MALL: variants seen among roughly 807,000 people sequenced by gnomAD.
MALL encodes mal, T cell differentiation protein like.
In MALL, 2 loss-of-function variants were observed where a neutral mutation model predicts 10.3. The ratio of observed to expected loss-of-function variants is 0.19; its 90% CI spans 0.08 to 0.61. The LOEUF (loss-of-function observed/expected upper bound fraction) is 0.61, where lower values mean the gene tolerates loss of function less well. Ranked by LOEUF, MALL falls within the 20% of genes least tolerant of loss-of-function variation. MALL has a pLI of 0.88. For synonymous variants in MALL, 27 were observed against 51.8 expected (o/e 0.52, Z 2.05); for missense variants, 39 against 115.2 (o/e 0.34, Z 3.03).
At chr2:110,100,470 C>A (rs1263868726) in intron 1 of MALL, among the ~76,000 whole-genome samples, 2 of 44,382 alleles carry the variant, frequency 4.5e-5, no homozygotes, top group Non-Finnish European at 1.5e-4. Context: ...AAGACTCTGT[C>A]CCCCACCCTA....
intron 1 of MALL, among the ~76,000 whole-genome samples, chr2:110,109,240 C>A (rs890338040): frequency 6.6e-6 from 1 of 152,116 alleles, no homozygotes; most frequent in Non-Finnish European, 1.5e-5. Context: ...CCTAAATGAT[C>A]CACTTAAAAG....
chr2:110,107,226 C>G (rs1327694413), intron 1 of MALL, among the ~76,000 whole-genome samples: 1 of 152,104 alleles, frequency 6.6e-6, no homozygotes, highest in Admixed American at 6.5e-5. Context: ...CTTCTGGGCT[C>G]TGATACTGTA....
intron 1 of MALL, among the ~76,000 whole-genome samples, chr2:110,095,791 G>A (rs1004208235): frequency 7.2e-5 from 11 of 152,074 alleles, no homozygotes; most frequent in African/African-American, 2.2e-4. Flanking sequence ...GGAGAGGGAG[G>A]TTGAGCCTGG....
At chr2:110,108,121 C>T (rs1678732006) in intron 1 of MALL, among the ~76,000 whole-genome samples, 1 of 152,086 alleles carries the variant, frequency 6.6e-6, no homozygotes, top group African/African-American at 2.4e-5. Context: ...TATGACGAAA[C>T]AAGGATCTTC....
At chr2:110,109,898 G>T (rs1678767426) in intron 1 of MALL, among the ~76,000 whole-genome samples, 1 of 152,002 alleles carries the variant, frequency 6.6e-6, no homozygotes, top group Non-Finnish European at 1.5e-5. Context: ...GAATAAAACT[G>T]GAAATCAACT....
intron 1 of MALL, among the ~76,000 whole-genome samples, chr2:110,106,672 T>C (rs1244855921): frequency 6.6e-6 from 1 of 152,124 alleles, no homozygotes; most frequent in South Asian, 2.1e-4. Context: ...AGTTTCTTAA[T>C]AAAGCGTACA....
At chr2:110,095,556 G>C (rs1180296588) in intron 1 of MALL, among the ~76,000 whole-genome samples, 1 of 151,750 alleles carries the variant, frequency 6.6e-6, no homozygotes, top group Non-Finnish European at 1.5e-5. Flanking sequence ...AAGTGGTTAA[G>C]AACTAGAATA....
At chr2:110,099,286 C>G (rs1678512050) in intron 1 of MALL, among the ~76,000 whole-genome samples, 1 of 152,086 alleles carries the variant, frequency 6.6e-6, no homozygotes, top group Non-Finnish European at 1.5e-5. Flanking sequence ...AATGTGTGTG[C>G]GTGCCTGGCA....
intron 1 of MALL, among the ~76,000 whole-genome samples, chr2:110,102,191 G>A (rs1045180274): frequency 6.6e-5 from 10 of 152,212 alleles, no homozygotes; most frequent in Middle Eastern, 3.4e-3. Context: ...ATTAGGCACC[G>A]GGTCACTTAG....
intron 1 of MALL, among the ~76,000 whole-genome samples, chr2:110,103,179 G>A (rs527408994): frequency 6.6e-6 from 1 of 152,260 alleles, no homozygotes; most frequent in South Asian, 2.1e-4. Context: ...TTGTGGCCAG[G>A]GGACAGGAAG....
chr2:110,104,894 C>T (rs1678654930), intron 1 of MALL, among the ~76,000 whole-genome samples: 2 of 152,148 alleles, frequency 1.3e-5, no homozygotes, highest in East Asian at 3.9e-4. Context: ...AGTAGTGTTT[C>T]AATAAACACT....
At chr2:110,106,093 C>T (rs757342381) in intron 1 of MALL, among the ~76,000 whole-genome samples, 5 of 152,162 alleles carry the variant, frequency 3.3e-5, no homozygotes, top group Non-Finnish European at 5.9e-5. Context: ...GCATGGTCTC[C>T]GCTTTTAACT....
chr2:110,117,778 A>C (rs1282157069), upstream of MALL, among the ~76,000 whole-genome samples: 1 of 152,032 alleles, frequency 6.6e-6, no homozygotes, highest in Non-Finnish European at 1.5e-5. Context: ...CATTGCCACC[A>C]CCACTGTCAC....
chr2:110,109,468 T>C (rs2104392575), intron 1 of MALL, among the ~76,000 whole-genome samples: 1 of 152,244 alleles, frequency 6.6e-6, no homozygotes, highest in South Asian at 2.1e-4. Flanking sequence ...GGACAGTATA[T>C]AACGGTAAAA....
intron 1 of MALL, among the ~76,000 whole-genome samples, chr2:110,102,175 C>T (rs1678584369): frequency 6.6e-6 from 1 of 152,192 alleles, no homozygotes. Flanking sequence ...TAATAACCTG[C>T]CCTTCATTAG....
intron 1 of MALL, among the ~76,000 whole-genome samples, chr2:110,096,099 A>G (rs1678434364): frequency 6.6e-6 from 1 of 152,168 alleles, no homozygotes; most frequent in African/African-American, 2.4e-5. Flanking sequence ...ATACCTGAGC[A>G]CTACCCTCCG....
chr2:110,109,564 T>C (rs1356457625), intron 1 of MALL, among the ~76,000 whole-genome samples: 1 of 152,072 alleles, frequency 6.6e-6, no homozygotes, highest in Non-Finnish European at 1.5e-5. Flanking sequence ...CAATTACTAA[T>C]AGACCTAAGA....
Position 110,115,497 on chromosome 2 carries a change from C to G in MALL, c.105+191G>C, listed in dbSNP as rs1224215107. On this transcript the variant is annotated intron_variant, in intron 1 of 3. Coordinates refer to ENST00000272462, the MANE Select transcript of MALL (RefSeq NM_005434.5). The stretch of plus-strand genomic sequence containing the variant: ...TCCCCGCTCTCGGTCCGGTCTGGGT[C>G]TCTCTCGGCGCGGTCCGGTCTGGGT... 2.0e-5 allele frequency among the ~76,000 whole-genome samples: 3 copies of G among 151,738 alleles called. No homozygotes were observed. In the East Asian group the frequency reaches 5.8e-4, roughly 29 times the overall value.
chr2:110,117,586 A>AGT (rs1559035318), upstream of MALL, among the ~76,000 whole-genome samples: 8 of 86,762 alleles, frequency 9.2e-5, no homozygotes, highest in African/African-American at 3.4e-4. Flanking sequence ...GGACCAAAGC[A>AGT]ATGTGTGTGT....
Sources: allele counts gnomAD v4.1 joint callset (sites outside exome capture counted in the v4.1 genomes callset), GRCh38; gene constraint gnomAD v4.1.1; transcripts MANE v1.5; gene names NCBI Gene and HGNC (gene_info 2026-07-23, HGNC 2026-07-21).